Variants in PLEKHA2 observed in about 807,000 individuals in gnomAD.
The protein encoded by PLEKHA2 is pleckstrin homology domain containing A2.
In PLEKHA2, 28 loss-of-function variants were observed where a neutral mutation model predicts 53.2. The ratio of observed to expected loss-of-function variants is 0.53; its 90% CI spans 0.39 to 0.72. The LOEUF (loss-of-function observed/expected upper bound fraction) is 0.72. Ranked by LOEUF, PLEKHA2 falls within the 30% of genes least tolerant of loss-of-function variation. The pLI, the probability that PLEKHA2 is intolerant of heterozygous loss-of-function variation, is 0.00. For missense variants in PLEKHA2, 426 were observed against 537.9 expected (o/e 0.79, Z 2.06); for synonymous variants, 193 against 196.4 (o/e 0.98, Z 0.14).
intron 2 of PLEKHA2, among the ~76,000 whole-genome samples, chr8:38,927,277 C>A (rs978922106): frequency 6.6e-6 from 1 of 152,056 alleles, no homozygotes; most frequent in Non-Finnish European, 1.5e-5. Context: ...GGGAGGATCA[C>A]TTGAGGCCAG....
rs1039969325 is a variant in PLEKHA2, at chr8:38,973,711, T to C, written c.*3928T>C. The C allele has an allele frequency of 1.3e-5, 2 of 152,746 alleles. No individual in the cohort carries two copies. Among genetic ancestry groups the C allele is most frequent in the African/African-American group, 4.9e-5 (2 of 40,946 alleles). The allele number at this position is 152,746 out of a possible 1,614,324, so 9.5% of individuals were successfully genotyped here. On this transcript the variant is annotated 3_prime_UTR_variant, in exon 12 of 12. Transcript: ENST00000617275. ...CATACTGTTTGACCTCCTCCCCCTC[T>C]GCTTATGAAGGGGTAGCATGATTCT...
chr8:38,967,619 C>T (rs1835164734), intron 10 of PLEKHA2, among the ~76,000 whole-genome samples: 1 of 151,620 alleles, frequency 6.6e-6, no homozygotes, highest in Non-Finnish European at 1.5e-5. Context: ...TGCTTCTTGG[C>T]CACTTGTATG....
At chr8:38,941,005 T>C (rs1834601420) in intron 3 of PLEKHA2, among the ~76,000 whole-genome samples, 1 of 151,894 alleles carries the variant, frequency 6.6e-6, no homozygotes, top group South Asian at 2.1e-4. Context: ...TGGGCAATCA[T>C]CTTGCACACG....
At chr8:38,942,703 G>C (rs951030231) in intron 3 of PLEKHA2, among the ~76,000 whole-genome samples, 19 of 152,152 alleles carry the variant, frequency 1.2e-4, no homozygotes, top group African/African-American at 4.6e-4. Flanking sequence ...TAATCTTTGT[G>C]GGCATGTGGT....
In PLEKHA2 at chr8:38,969,455, G is replaced by T. The variant is rs748542816; in HGVS notation, c.950G>T (p.Arg317Leu). The T allele has an allele frequency of 1.2e-6, 2 of 1,613,286 alleles. No individual in the cohort carries two copies. Among genetic ancestry groups the T allele is most frequent in the Non-Finnish European group, 1.7e-6 (2 of 1,179,748 alleles). ...TTTTCTAGATCCATTTCTTTGACCC[G>T]ACCTGGAAGCTCCAGCCTTTCAAGT... ...TSFSRSISLT[R>L]PGSSSLSSGP... The change falls in exon 12 of 12, where the codon CGA (arginine) becomes CTA (leucine). Residue 317 changes from arginine to leucine, a missense_variant. By Grantham distance (102) the Arg-to-Leu change is moderately radical (BLOSUM62 -2). Coordinates refer to ENST00000617275, the MANE Select transcript of PLEKHA2 (RefSeq NM_021623.2).
intron 3 of PLEKHA2, among the ~76,000 whole-genome samples, chr8:38,938,219 T>C (rs952504539): frequency 3.9e-5 from 6 of 152,172 alleles, no homozygotes; most frequent in South Asian, 2.1e-4. Flanking sequence ...TGGATCCTTT[T>C]TTGAGACTGA....
At chr8:38,919,882 A>G (rs145225670) in intron 2 of PLEKHA2, among the ~76,000 whole-genome samples, 75 of 151,948 alleles carry the variant, frequency 4.9e-4, no homozygotes, top group South Asian at 2.1e-4. Flanking sequence ...GACACCCTCA[A>G]CTCAGCCTGG....
intron 3 of PLEKHA2, among the ~76,000 whole-genome samples, chr8:38,937,219 A>G (rs555302131): frequency 2.2e-4 from 34 of 152,360 alleles, no homozygotes; most frequent in Middle Eastern, 6.8e-3. Context: ...GAATGACCTC[A>G]GGGAAGGAGG....
At chr8:38,926,597 G>A (rs1285450686) in intron 2 of PLEKHA2, among the ~76,000 whole-genome samples, 1 of 152,016 alleles carries the variant, frequency 6.6e-6, no homozygotes, top group African/African-American at 2.4e-5. Flanking sequence ...TAAACAAGTT[G>A]TATCTTTATA....
chr8:38,973,523 T>C lies in PLEKHA2; in HGVS notation c.*3740T>C, dbSNP rs533821906. ...GGAAATTGAGTGTCCCCAAGTGAGC[T>C]TTGTTTATAAACTTTCAAAATGTCG... On this transcript the variant is annotated 3_prime_UTR_variant, in exon 12 of 12. Coordinates refer to ENST00000617275, the MANE Select transcript of PLEKHA2 (RefSeq NM_021623.2). The C allele has an allele frequency of 6.6e-6, 1 of 151,836 alleles. No homozygotes were observed. Among genetic ancestry groups the C allele is most frequent in the South Asian group, 2.1e-4 (1 of 4,780 alleles). The allele number at this position is 151,836 out of a possible 1,614,324, so 9.4% of individuals were successfully genotyped here.
chr8:38,944,369 T>G (rs546726140), intron 4 of PLEKHA2, among the ~76,000 whole-genome samples: 1 of 152,002 alleles, frequency 6.6e-6, no homozygotes, highest in Admixed American at 6.6e-5. Context: ...ACAAAAAAAT[T>G]AGCTGGGCGT....
chr8:38,969,647 C>A lies in PLEKHA2; in HGVS notation c.1142C>A (p.Pro381His). 6.3e-7 allele frequency: 1 copy of A among 1,598,506 alleles called. No homozygotes were observed. The highest frequency in any genetic ancestry group is 8.5e-7 in the Non-Finnish European group (1 of 1,172,724). Residue 381 changes from proline to histidine, a missense_variant, in exon 12 of 12, where the codon CCT becomes CAT. By Grantham distance (77) the Pro-to-His change is moderately conservative. Coordinates refer to ENST00000617275, the MANE Select transcript of PLEKHA2 (RefSeq NM_021623.2). Reference sequence around the variant, plus strand: ...ACTTCAGAGGACTCCTTGTTCACGCCTCGTCCTGGGGAGGGCAGCGCTCCT... The same window carrying A: ...ACTTCAGAGGACTCCTTGTTCACGCATCGTCCTGGGGAGGGCAGCGCTCCT... ...GDTSEDSLFT[P>H]RPGEGSAPGV...
intron 2 of PLEKHA2, among the ~76,000 whole-genome samples, chr8:38,934,050 T>C (rs1040164578): frequency 1.3e-5 from 2 of 151,984 alleles, no homozygotes; most frequent in African/African-American, 2.4e-5. Flanking sequence ...CTTCAAGCGA[T>C]GTATGTTAAT....
In PLEKHA2 at chr8:38,949,365, C is replaced by T. The variant is rs189718578; in HGVS notation, c.346-1485C>T. Among the ~76,000 whole-genome samples, 919 of 152,234 alleles carry T rather than the reference C, an allele frequency of 6.0e-3. 13 individuals carry two copies. The highest frequency in any genetic ancestry group is 0.027 in the Middle Eastern group (8 of 294). On this transcript the variant is annotated intron_variant, in intron 5 of 11. Coordinates refer to ENST00000617275, the MANE Select transcript of PLEKHA2 (RefSeq NM_021623.2). ...GTGACATTTGACCCCTGGCCTCTCC[C>T]GTTCTGCTGGGGAGAATGGTAGGGA...
chr8:38,951,463 ATTTAAGT>A (rs1834839877), intron 6 of PLEKHA2, among the ~76,000 whole-genome samples: 1 of 131,832 alleles, frequency 7.6e-6, no homozygotes, highest in African/African-American at 2.8e-5. Context: ...ATTTATATTT[ATTTAAGT>A]TTTTTTTTTT....
At chr8:38,902,708 T>C (rs1460398903) in intron 1 of PLEKHA2, among the ~76,000 whole-genome samples, 1 of 152,246 alleles carries the variant, frequency 6.6e-6, no homozygotes, top group Non-Finnish European at 1.5e-5. Context: ...CTTGAAAGAA[T>C]AGAAGTTTTT....
At chr8:38,956,516 C>T (rs1281538012) in intron 9 of PLEKHA2, among the ~76,000 whole-genome samples, 1 of 152,124 alleles carries the variant, frequency 6.6e-6, no homozygotes, top group East Asian at 1.9e-4. Context: ...AAAGCATAGG[C>T]TCACTGGGTT....
chr8:38,969,369 G>C, intron 11 of PLEKHA2, 52 bp from the exon 12 acceptor site: 1 of 1,575,716 alleles, frequency 6.3e-7, no homozygotes, highest in Non-Finnish European at 8.6e-7. Flanking sequence ...GATAAACATT[G>C]TCTGAAAAGC....
intron 2 of PLEKHA2, among the ~76,000 whole-genome samples, chr8:38,932,397 C>T (rs1027255656): frequency 6.6e-5 from 10 of 152,192 alleles, no homozygotes; most frequent in African/African-American, 2.4e-4. Context: ...GAGGTCAGGG[C>T]AGGCTGGAGT....
Sources: gnomAD v4.1 joint callset for allele counts (sites outside exome capture counted in the v4.1 genomes callset) on GRCh38, gnomAD v4.1.1 for gene constraint, MANE v1.5 for transcripts, NCBI Gene and HGNC (gene_info 2026-07-23, HGNC 2026-07-21) for gene names.